The following STK3 variants were observed in gnomAD, a reference collection of about 807,000 sequenced individuals.
STK3 encodes the protein serine/threonine-protein kinase 3.
A neutral mutation model predicts 58.0 loss-of-function variants in STK3; 41 were observed. That is an observed-to-expected ratio of 0.71 (90% CI 0.55 to 0.92). STK3 has a LOEUF of 0.92. Ranked by LOEUF, STK3 falls within the 40% of genes least tolerant of loss-of-function variation. STK3 has a pLI of 0.00. For synonymous variants in STK3, 170 were observed against 191.0 expected (o/e 0.89, Z 0.91); for missense variants, 479 against 602.7 (o/e 0.79, Z 2.15).
At chr8:98,478,263 C>T (rs1393043580) in intron 10 of STK3, among the ~76,000 whole-genome samples, 1 of 152,168 alleles carries the variant, frequency 6.6e-6, no homozygotes, top group Non-Finnish European at 1.5e-5. Flanking sequence ...CTGAAGAGTA[C>T]TCAAACTCTT....
At chr8:98,595,674 G>A (rs866856827) in intron 7 of STK3, 7 of 161,752 alleles carry the variant, frequency 4.3e-5, no homozygotes, top group Middle Eastern at 5.9e-3. Flanking sequence ...TATTTACAAC[G>A]TGATAATCTC....
At chr8:98,605,700 T>C in intron 6 of STK3, among the ~76,000 whole-genome samples, 1 of 152,206 alleles carries the variant, frequency 6.6e-6, no homozygotes. Flanking sequence ...AGGTTAGAAG[T>C]ACAATATGGC....
At chr8:98,449,472 T>C (rs1258882428) in intron 1 of STK3, among the ~76,000 whole-genome samples, 2 of 152,112 alleles carry the variant, frequency 1.3e-5, no homozygotes, top group African/African-American at 4.8e-5. Flanking sequence ...CCAAAGCAAA[T>C]TGAGGCCAAG....
intron 9 of STK3, 68 bp downstream of exon 9, chr8:98,547,901 A>C (rs1268250916): frequency 8.8e-6 from 12 of 1,365,904 alleles, no homozygotes; most frequent in African/African-American, 1.5e-5. Context: ...ACACAGAACT[A>C]GCCTGGTTCC....
intron 10 of STK3, chr8:98,526,529 T>C: frequency 2.9e-6 from 1 of 339,418 alleles, no homozygotes; most frequent in Non-Finnish European, 5.2e-6. Flanking sequence ...TATTTAACTA[T>C]AAAAAAGTAT....
intron 8 of STK3, among the ~76,000 whole-genome samples, chr8:98,573,925 G>A (rs1021688798): frequency 1.6e-4 from 24 of 151,992 alleles, no homozygotes; most frequent in Admixed American, 8.5e-4. Flanking sequence ...AGAGAGAAGC[G>A]CCGAGCAAAG....
chr8:98,350,215 C>T, the STK3 span, among the ~76,000 whole-genome samples: 1 of 152,170 alleles, frequency 6.6e-6, no homozygotes, highest in East Asian at 1.9e-4. Context: ...TTCCACAAAT[C>T]TCTAGGGCAG....
At chr8:98,570,933 T>C (rs1812909549) in intron 8 of STK3, among the ~76,000 whole-genome samples, 2 of 152,254 alleles carry the variant, frequency 1.3e-5, no homozygotes, top group Admixed American at 1.3e-4. Context: ...TTTTAGATAA[T>C]GCAACCTCCC....
At chr8:98,870,736 A>G (rs576025693) in intron 3 of STK3, among the ~76,000 whole-genome samples, 2 of 152,196 alleles carry the variant, frequency 1.3e-5, no homozygotes, top group Non-Finnish European at 1.5e-5. Flanking sequence ...TAGATTCTGG[A>G]TATTAGCCCT....
At chr8:98,705,870 T>C (rs1456777906) in intron 6 of STK3, among the ~76,000 whole-genome samples, 2 of 152,052 alleles carry the variant, frequency 1.3e-5, no homozygotes, top group African/African-American at 2.4e-5. Context: ...ATGCAAAATA[T>C]ATATTTCAAA....
intron 1 of STK3, among the ~76,000 whole-genome samples, chr8:98,934,722 C>G (rs1438282458): frequency 6.6e-6 from 1 of 152,100 alleles, no homozygotes; most frequent in Non-Finnish European, 1.5e-5. Context: ...TCGAGACCAG[C>G]CTGGCCAACA....
intron 1 of STK3, among the ~76,000 whole-genome samples, chr8:98,790,045 A>AG (rs1446611117): frequency 6.6e-6 from 1 of 151,140 alleles, no homozygotes; most frequent in East Asian, 1.9e-4. Context: ...AAAAAAAAAA[A>AG]AAGTCCAGGA....
At chr8:98,673,524 T>A (rs1427004167) in intron 6 of STK3, among the ~76,000 whole-genome samples, 1 of 151,998 alleles carries the variant, frequency 6.6e-6, no homozygotes, top group East Asian at 1.9e-4. Flanking sequence ...AGTCACATAT[T>A]GCATGATTCC....
At chr8:98,457,428 T>A (rs556484121) in intron 10 of STK3, among the ~76,000 whole-genome samples, 2 of 152,226 alleles carry the variant, frequency 1.3e-5, no homozygotes, top group Non-Finnish European at 1.5e-5. Flanking sequence ...ACTATGTCTA[T>A]GTAGGATCCA....
chr8:98,562,505 G>A (rs896136844), intron 8 of STK3, among the ~76,000 whole-genome samples: 8 of 151,920 alleles, frequency 5.3e-5, no homozygotes, highest in African/African-American at 1.9e-4. Context: ...GTTGAAAGGG[G>A]GTTGGGGGAG....
chr8:98,465,457 C>G (rs563326223), intron 10 of STK3, among the ~76,000 whole-genome samples: 1 of 152,232 alleles, frequency 6.6e-6, no homozygotes, highest in East Asian at 1.9e-4. Context: ...TCAGATTGTA[C>G]CTGGTGAAGC....
intron 2 of STK3, among the ~76,000 whole-genome samples, chr8:98,375,846 A>G (rs1817668829): frequency 6.6e-6 from 1 of 152,222 alleles, no homozygotes; most frequent in East Asian, 1.9e-4. Context: ...GGTTGGGACA[A>G]TTATAAATAA....
At chr8:98,895,037 A>C (rs569966440) in intron 1 of STK3, among the ~76,000 whole-genome samples, 1 of 152,210 alleles carries the variant, frequency 6.6e-6, no homozygotes, top group Non-Finnish European at 1.5e-5. Context: ...AAATATAAAT[A>C]ATAGAAGTAG....
chr8:98,569,324 A>G (rs1812764747), intron 8 of STK3, among the ~76,000 whole-genome samples: 1 of 152,178 alleles, frequency 6.6e-6, no homozygotes, highest in South Asian at 2.1e-4. Context: ...GAAAGACAGA[A>G]GACAGCATCA....
Sources: gnomAD v4.1 joint callset for allele counts (sites outside exome capture counted in the v4.1 genomes callset) on GRCh38, gnomAD v4.1.1 for gene constraint, MANE v1.5 for transcripts, NCBI Gene and HGNC (gene_info 2026-07-23, HGNC 2026-07-21) for gene names.